CFAP43: variants seen among roughly 807,000 people sequenced by gnomAD.
The protein encoded by CFAP43 is cilia- and flagella-associated protein 43.
In CFAP43, 155 loss-of-function variants were observed where a neutral mutation model predicts 218.9. That is an observed-to-expected ratio of 0.71 (90% CI 0.62 to 0.81). CFAP43 has a LOEUF of 0.81. CFAP43 is among the 30% of genes least tolerant of loss of function. The probability of loss-of-function intolerance (pLI) is 0.00; values close to 1 mark genes in which losing one functional copy is unlikely to be tolerated. For missense variants in CFAP43, 1,778 were observed against 1,954.3 expected, an observed-to-expected ratio of 0.91 and a Z score of 1.70; for synonymous variants, 645 against 681.3, an observed-to-expected ratio of 0.95 and a Z score of 0.83.
chr10:104,199,889 TGAC>T (rs1044633400), intron 8 of CFAP43, among the ~76,000 whole-genome samples: 45 of 152,056 alleles, frequency 3.0e-4, no homozygotes, highest in African/African-American at 1.1e-3. Context: ...CCTTGAAGCA[TGAC>T]AAGATAACGA....
At chr10:104,179,204 A>G in intron 18 of CFAP43, 98 bp from the exon 19 acceptor site, 2 of 1,033,908 alleles carry the variant, frequency 1.9e-6, no homozygotes, top group Non-Finnish European at 2.8e-6. Context: ...AACAGAAACT[A>G]AAATTTGTAA....
intron 20 of CFAP43, among the ~76,000 whole-genome samples, chr10:104,171,063 C>T (rs2089388235): frequency 6.6e-6 from 1 of 152,168 alleles, no homozygotes; most frequent in Non-Finnish European, 1.5e-5. Flanking sequence ...GAAATGTCAG[C>T]CCTTGAAGTG....
At chr10:104,171,194 A>C (rs532119407) in intron 20 of CFAP43, among the ~76,000 whole-genome samples, 1 of 152,334 alleles carries the variant, frequency 6.6e-6, no homozygotes, top group Admixed American at 6.5e-5. Context: ...GCCCCATGAC[A>C]GCAGAAATGT....
chr10:104,172,356 C>G (rs2134847389), intron 20 of CFAP43, 54 bp downstream of exon 20: 1 of 1,574,062 alleles, frequency 6.4e-7, no homozygotes, highest in Non-Finnish European at 8.6e-7. Flanking sequence ...TTCCTATTAT[C>G]TTTTTACTTC....
intron 34 of CFAP43, among the ~76,000 whole-genome samples, chr10:104,134,998 T>C (rs1272697970): frequency 6.6e-6 from 1 of 152,150 alleles, no homozygotes; most frequent in East Asian, 1.9e-4. Flanking sequence ...ACTAGCAAAC[T>C]GATTCCAGCA....
At chr10:104,163,142 G>C (rs560385222) in intron 24 of CFAP43, among the ~76,000 whole-genome samples, 1 of 152,270 alleles carries the variant, frequency 6.6e-6, no homozygotes, top group African/African-American at 2.4e-5. Context: ...GAACTCTAAG[G>C]CATGATGGTT....
intron 28 of CFAP43, among the ~76,000 whole-genome samples, chr10:104,151,501 A>T (rs2088255253): frequency 6.6e-6 from 1 of 152,136 alleles, no homozygotes; most frequent in Admixed American, 6.6e-5. Flanking sequence ...TCTAATGATC[A>T]GTGATGAGCT....
rs924305793 is a variant in CFAP43 at position 104,214,563 on chromosome 10, A to G, written c.417-137T>C. 23 of 776,780 alleles carry G rather than the reference A, an allele frequency of 3.0e-5. 1 individual carries two copies. Among genetic ancestry groups the G allele is most frequent in the African/African-American group, 5.3e-5 (3 of 56,526 alleles). 48.1% of individuals were successfully genotyped at this position (776,780 alleles called of 1,614,324 possible). Reference sequence around the variant, plus strand: ...TATATAATCAATGACCTTAATGTCAAATTTATAAATAATTATGCTTATCAT... The same window carrying G: ...TATATAATCAATGACCTTAATGTCAGATTTATAAATAATTATGCTTATCAT... On this transcript the variant is annotated intron_variant, in intron 3 of 37. Transcript: ENST00000357060.
intron 10 of CFAP43, 67 bp downstream of exon 10, chr10:104,196,786 A>T (rs964703413): frequency 6.0e-6 from 8 of 1,323,320 alleles, no homozygotes; most frequent in Non-Finnish European, 7.4e-6. Flanking sequence ...TTGACATGTG[A>T]ATATGAAAAA....
rs139972724 is a variant in CFAP43 at position 104,133,677 on chromosome 10, A to G, written c.4539T>C (p.Asp1513=). The G allele has an allele frequency of 6.2e-7, 1 of 1,613,616 alleles. No individual in the cohort carries two copies. Among genetic ancestry groups the G allele is most frequent in the African/African-American group, 1.3e-5 (1 of 74,878 alleles). Residue 1513 remains aspartate, a synonymous_variant, in exon 35 of 38, where the codon GAT becomes GAC. Coordinates refer to ENST00000357060, the MANE Select transcript of CFAP43 (RefSeq NM_025145.7). The part of the protein sequence containing the change: ...EHKKMEMERE[D]LNQKAWDIQM... ...GAATATCCCAAGCCTTCTGATTTAG[A>G]TCTTCCCTTTCCATCTCCATTTTCT...
Position 104,187,426 on chromosome 10 carries a change from T to G in CFAP43, c.1754A>C (p.Glu585Ala). ...TGCAGAGGACAGAGCGTGCTCCAAC[T>G]CATACAGGTACTTATGAATGATTTC... ...KDEIIHKYLYELEHALSSAVL... is the reference protein window; with the variant it reads ...KDEIIHKYLYALEHALSSAVL... Residue 585 changes from glutamate (E) to alanine (A), a missense_variant, in exon 14 of 38, where the codon GAG (glutamate) becomes GCG (alanine). Coordinates refer to ENST00000357060, the MANE Select transcript of CFAP43 (RefSeq NM_025145.7). 1 of 1,609,070 alleles carries G rather than the reference T, an allele frequency of 6.2e-7. No individual in the cohort carries two copies. The highest frequency in any genetic ancestry group is 8.5e-7 in the Non-Finnish European group (1 of 1,178,226).
At chr10:104,147,017 T>A (rs1465697950) in intron 29 of CFAP43, among the ~76,000 whole-genome samples, 3 of 152,070 alleles carry the variant, frequency 2.0e-5, no homozygotes, top group African/African-American at 7.2e-5. Context: ...TGCCTTTGAG[T>A]CTGCCAAAAG....
chr10:104,192,191 T>C lies in CFAP43; in HGVS notation c.1546+8A>G. The stretch of plus-strand genomic sequence containing the variant: ...ATATTTTAAATTAATCAGCATTCTA[T>C]GTTGTACCTGTGAATCCAATAATCT... On this transcript the variant is annotated splice_region_variant and intron_variant, in intron 12 of 37. Transcript: ENST00000357060. 4.4e-6 allele frequency: 7 copies of C among 1,589,564 alleles called. No individual in the cohort carries two copies. Among genetic ancestry groups the C allele is most frequent in the Non-Finnish European group, 6.0e-6 (7 of 1,160,812 alleles).
At chr10:104,160,981 A>G in intron 27 of CFAP43, 56 bp downstream of exon 27, 6 of 1,497,776 alleles carry the variant, frequency 4.0e-6, no homozygotes, top group South Asian at 3.8e-5. Flanking sequence ...ATTTGAAAAG[A>G]TATTTAAACA....
intron 8 of CFAP43, among the ~76,000 whole-genome samples, chr10:104,199,431 A>C (rs986763795): frequency 6.6e-6 from 1 of 152,208 alleles, no homozygotes; most frequent in African/African-American, 2.4e-5. Context: ...TCATTTCTTC[A>C]ATAAATATTA....
At chr10:104,168,888 G>C (rs1251704960) in intron 20 of CFAP43, 40 bp from the exon 21 acceptor site, 1 of 1,481,248 alleles carries the variant, frequency 6.8e-7, no homozygotes, top group Non-Finnish European at 9.4e-7. Context: ...AAAAATGAAA[G>C]TGTGGACTCA....
Position 104,162,371 on chromosome 10 carries a change from G to T in CFAP43, c.3279C>A (p.His1093Gln), listed in dbSNP as rs746967340. 6.2e-7 allele frequency: 1 copy of T among 1,614,006 alleles called. No individual in the cohort carries two copies. Among genetic ancestry groups the T allele is most frequent in the African/African-American group, 1.3e-5 (1 of 74,920 alleles). ...GATTCACGATCAATTCTTTGGCTTTGTGCCACGGCTTAATGTGTTTGTGGG... is the reference window on the plus strand; with the variant it reads ...GATTCACGATCAATTCTTTGGCTTTTTGCCACGGCTTAATGTGTTTGTGGG... The part of the protein sequence containing the change: ...ITAHKHIKPW[H>Q]KAKELIVNHE... Residue 1093 changes from histidine to glutamine, a missense_variant, in exon 25 of 38, where the codon CAC becomes CAA. His to Gln is a conservative substitution (Grantham distance 24). Coordinates refer to ENST00000357060, the MANE Select transcript of CFAP43 (RefSeq NM_025145.7).
intron 7 of CFAP43, among the ~76,000 whole-genome samples, chr10:104,205,212 C>CAAAAAAAA (rs71022723): frequency 2.5e-4 from 14 of 56,538 alleles, no homozygotes; most frequent in Non-Finnish European, 4.1e-4. Context: ...GACTCCGTCT[C>CAAAAAAAA]AAAAAAAAAA....
In CFAP43 at chr10:104,147,971, A is replaced by G. The variant is rs1201414650; in HGVS notation, c.3688T>C (p.Phe1230Leu). 76 of 1,593,088 alleles carry G rather than the reference A, an allele frequency of 4.8e-5. 1 individual carries two copies. The Admixed American group carries it at 1.3e-3, about 28-fold the overall frequency. ...AATTCTTCATCCAACAATAAAGAAA[A>G]TGCAAGGTTACTTATTTTCAGTTCC... ...QEELKISNLA[F>L]SLLLDEELSS... is the part of the protein sequence containing the mutation. Residue 1230 changes from phenylalanine (F) to leucine (L), a missense_variant, in exon 29 of 38, where the codon TTT (phenylalanine) becomes CTT (leucine). Around this residue, in one of 3 missense-constraint regions of CFAP43, gnomAD observed 1,553 missense variants for 1,685.2 expected, o/e 0.92. Transcript: ENST00000357060.
Sources: gnomAD v4.1 joint callset for allele counts (sites outside exome capture counted in the v4.1 genomes callset) on GRCh38, gnomAD v4.1.1 for gene constraint, gnomAD v4.1.1 regional missense constraint, MANE v1.5 for transcripts, NCBI Gene and HGNC (gene_info 2026-07-23, HGNC 2026-07-21) for gene names.